Variants in AUH observed in about 807,000 individuals in gnomAD.
The protein encoded by AUH is AU RNA binding methylglutaconyl-CoA hydratase, also known as methylglutaconyl-CoA hydratase, mitochondrial.
AUH carries 29 observed loss-of-function variants against 42.3 expected under a neutral mutation model. That is an observed-to-expected ratio of 0.69 (90% confidence interval 0.51 to 0.93). The LOEUF is 0.93. Ranked by LOEUF, AUH falls within the 40% of genes least tolerant of loss-of-function variation. The pLI is 0.00. For synonymous variants in AUH, 174 were observed against 166.4 expected, an observed-to-expected ratio of 1.05 and a Z score of -0.35; for missense variants, 452 against 438.1, an observed-to-expected ratio of 1.03 and a Z score of -0.28.
At chr9:91,334,398 G>C (rs913640239) in intron 3 of AUH, among the ~76,000 whole-genome samples, 7 of 100,820 alleles carry the variant, frequency 6.9e-5, no homozygotes, top group African/African-American at 2.8e-4. Context: ...TAGAACAAAA[G>C]GTGAAGGAGG....
intron 6 of AUH, among the ~76,000 whole-genome samples, chr9:91,284,632 A>G (rs1826252555): frequency 6.6e-6 from 1 of 152,104 alleles, no homozygotes; most frequent in Non-Finnish European, 1.5e-5. Flanking sequence ...AAAACAAACA[A>G]CCTCATCACA....
Position 91,327,989 on chromosome 9 carries a change from G to T in AUH, c.419-2585C>A, listed in dbSNP as rs10481714. Among the ~76,000 whole-genome samples, 98 of 152,282 alleles carry T rather than the reference G, an allele frequency of 6.4e-4. No individual in the cohort carries two copies. In the East Asian group the frequency reaches 0.016, roughly 26 times the overall value. On this transcript the variant is annotated intron_variant, in intron 3 of 9. Coordinates refer to ENST00000375731, the MANE Select transcript of AUH (RefSeq NM_001698.3). ...GCAGGCACGGGATTCAAGTGGGCGC[G>T]AACCAAGCACAACCTGCCAGGCCAA...
At chr9:91,338,742 T>C (rs1269126859) in intron 3 of AUH, among the ~76,000 whole-genome samples, 2 of 152,180 alleles carry the variant, frequency 1.3e-5, no homozygotes, top group African/African-American at 4.8e-5. Flanking sequence ...TGCAAGAATA[T>C]ATATAAAATG....
Position 91,220,809 on chromosome 9 carries a change from G to C in AUH, c.839C>G (p.Pro280Arg). ...KALDLAREFLPQGPVAMRVAK... is the reference protein window; with the variant it reads ...KALDLAREFLRQGPVAMRVAK... ...AACTCATTTAATGAGAAATACCTGA[G>C]GTAAAAACTCTCTCGCCAGGTCCAA... The change falls in exon 7 of 10, where the codon CCT (proline) becomes CGT (arginine). Residue 280 changes from proline (P) to arginine (R), a missense_variant. Coordinates refer to ENST00000375731, the MANE Select transcript of AUH (RefSeq NM_001698.3). 6.2e-7 allele frequency: 1 copy of C among 1,614,084 alleles called. No homozygotes were observed. Among genetic ancestry groups the C allele is most frequent in the Admixed American group, 1.7e-5 (1 of 60,026 alleles).
At chr9:91,241,887 G>GT (rs1243889677) in intron 6 of AUH, among the ~76,000 whole-genome samples, 1 of 152,166 alleles carries the variant, frequency 6.6e-6, no homozygotes, top group Admixed American at 6.5e-5. Context: ...CATGTAGTCT[G>GT]TTTAAGAAAG....
At chr9:91,215,248 C>T (rs1826755034) in intron 9 of AUH, among the ~76,000 whole-genome samples, 1 of 152,022 alleles carries the variant, frequency 6.6e-6, no homozygotes, top group Admixed American at 6.6e-5. Flanking sequence ...TCCAGGAAGA[C>T]CTAATAATTT....
chr9:91,234,691 G>C (rs868620465), intron 6 of AUH, among the ~76,000 whole-genome samples: 11 of 151,324 alleles, frequency 7.3e-5, no homozygotes, highest in African/African-American at 2.7e-4. Context: ...ACTGTCCTAG[G>C]TGCTGAACCC....
chr9:91,225,192 G>A (rs1239674137), intron 6 of AUH, among the ~76,000 whole-genome samples: 1 of 152,204 alleles, frequency 6.6e-6, no homozygotes, highest in African/African-American at 2.4e-5. Context: ...TCCAAAAGAT[G>A]AGATGTGCCA....
In AUH at chr9:91,245,896, T is replaced by G. The variant is rs114811078; in HGVS notation, c.656-24904A>C. Among the ~76,000 whole-genome samples, 454 of 152,202 alleles carry G rather than the reference T, an allele frequency of 3.0e-3. 5 individuals carry two copies. Among genetic ancestry groups the G allele is most frequent in the African/African-American group, 0.01 (435 of 41,516 alleles). The stretch of plus-strand genomic sequence containing the variant: ...AACACTCATGGACTGTGCCCATCCT[T>G]CTTGTCTAAAGCTGGCAAGATGTGA... On this transcript the variant is annotated intron_variant, in intron 6 of 9. Coordinates refer to ENST00000375731, the MANE Select transcript of AUH (RefSeq NM_001698.3).
intron 6 of AUH, among the ~76,000 whole-genome samples, chr9:91,273,679 A>G (rs1825332417): frequency 6.6e-6 from 1 of 152,250 alleles, no homozygotes; most frequent in Non-Finnish European, 1.5e-5. Flanking sequence ...GGCATCAAAA[A>G]TAACATGCAT....
At chr9:91,341,951 T>G (rs1587899047) in intron 3 of AUH, among the ~76,000 whole-genome samples, 2 of 151,848 alleles carry the variant, frequency 1.3e-5, no homozygotes, top group East Asian at 1.9e-4. Context: ...GCACAACGAG[T>G]TGGAGAGAAG....
chr9:91,267,935 T>A (rs1830066063), intron 6 of AUH, among the ~76,000 whole-genome samples: 1 of 152,124 alleles, frequency 6.6e-6, no homozygotes, highest in Admixed American at 6.5e-5. Context: ...GATATTGCAC[T>A]TTTGCCCAGA....
chr9:91,239,715 G>A (rs572633248), intron 6 of AUH, among the ~76,000 whole-genome samples: 1 of 152,160 alleles, frequency 6.6e-6, no homozygotes, highest in African/African-American at 2.4e-5. Flanking sequence ...TATTCACTGA[G>A]GCCTGTTGTA....
At chr9:91,237,970 G>A (rs1195248418) in intron 6 of AUH, among the ~76,000 whole-genome samples, 3 of 152,080 alleles carry the variant, frequency 2.0e-5, no homozygotes, top group East Asian at 3.8e-4. Flanking sequence ...AACAAATGAC[G>A]AGCACTGAGG....
chr9:91,261,779 C>T (rs1437462885), intron 6 of AUH, among the ~76,000 whole-genome samples: 1 of 152,222 alleles, frequency 6.6e-6, no homozygotes, highest in African/African-American at 2.4e-5. Context: ...CAGAACTGTG[C>T]TACCTGTAAT....
chr9:91,346,818 A>G (rs1427662802), intron 3 of AUH, among the ~76,000 whole-genome samples: 1 of 152,042 alleles, frequency 6.6e-6, no homozygotes, highest in African/African-American at 2.4e-5. Flanking sequence ...GGATTCCCCT[A>G]AACTCCTCAG....
At chr9:91,286,715 T>A (rs535328862) in intron 6 of AUH, among the ~76,000 whole-genome samples, 7 of 146,276 alleles carry the variant, frequency 4.8e-5, no homozygotes, top group Admixed American at 7.1e-5. Flanking sequence ...ATCGCCTGAA[T>A]TCTCTAAAAA....
intron 3 of AUH, among the ~76,000 whole-genome samples, chr9:91,345,915 A>G (rs1175748815): frequency 2.0e-5 from 3 of 152,040 alleles, no homozygotes; most frequent in Non-Finnish European, 2.9e-5. Context: ...ACAGGTCCCA[A>G]AATAATGTAA....
In AUH at chr9:91,361,612, A is replaced by T; in HGVS notation, c.262+16T>A. On this transcript the variant is annotated intron_variant, in intron 1 of 9. Transcript: ENST00000375731. ...GCCGCCCGCTGCCCCGCGCCTGCCCAGCGTTCGCACCTCACCTCGGTTCTC... is the reference window on the plus strand; with the variant it reads ...GCCGCCCGCTGCCCCGCGCCTGCCCTGCGTTCGCACCTCACCTCGGTTCTC... 6.4e-7 allele frequency: 1 copy of T among 1,573,620 alleles called. No homozygotes were observed. Among genetic ancestry groups the T allele is most frequent in the Non-Finnish European group, 8.6e-7 (1 of 1,160,564 alleles).
Sources: gnomAD v4.1 joint callset for allele counts (sites outside exome capture counted in the v4.1 genomes callset) on GRCh38, gnomAD v4.1.1 for gene constraint, MANE v1.5 for transcripts, NCBI Gene and HGNC (gene_info 2026-07-23, HGNC 2026-07-21) for gene names.